Variants in CDH9 observed in about 807,000 individuals in gnomAD.
CDH9 encodes the protein cadherin 9, also known as cadherin-9.
A neutral mutation model predicts 70.9 loss-of-function variants in CDH9; 28 were observed. That is an observed-to-expected ratio of 0.40 (90% CI 0.29 to 0.54). The LOEUF is 0.54. Among genes scored for constraint, CDH9 ranks in the 20% least tolerant of loss-of-function variants. The pLI is 0.59. For missense variants in CDH9, 874 were observed against 984.4 expected, an observed-to-expected ratio of 0.89 and a Z score of 1.50; for synonymous variants, 409 against 343.1, an observed-to-expected ratio of 1.19 and a Z score of -2.12.
chr5:26,923,989 C>T (rs1741292733), intron 2 of CDH9, among the ~76,000 whole-genome samples: 1 of 151,530 alleles, frequency 6.6e-6, no homozygotes, highest in Admixed American at 6.6e-5. Context: ...TCATAAGACA[C>T]TGAAAAAGCA....
At chr5:26,917,840 T>A (rs918014054) in intron 2 of CDH9, among the ~76,000 whole-genome samples, 4 of 152,106 alleles carry the variant, frequency 2.6e-5, no homozygotes, top group African/African-American at 9.7e-5. Context: ...AAATGTAGTC[T>A]TATTACAATC....
chr5:26,909,508 T>G (rs1441648507), intron 3 of CDH9, among the ~76,000 whole-genome samples: 1 of 151,010 alleles, frequency 6.6e-6, no homozygotes, highest in Admixed American at 6.6e-5. Flanking sequence ...ATCAAAGAGG[T>G]AAACACGATT....
chr5:27,001,209 T>C (rs1742761433), intron 1 of CDH9, among the ~76,000 whole-genome samples: 1 of 152,150 alleles, frequency 6.6e-6, no homozygotes, highest in Non-Finnish European at 1.5e-5. Flanking sequence ...GTATTATAAA[T>C]GTATGAAACA....
At chr5:26,944,565 A>T (rs1250231689) in intron 2 of CDH9, among the ~76,000 whole-genome samples, 1 of 152,132 alleles carries the variant, frequency 6.6e-6, no homozygotes, top group Non-Finnish European at 1.5e-5. Flanking sequence ...AGACAGGAGG[A>T]TTGCTTGAGC....
intron 7 of CDH9, among the ~76,000 whole-genome samples, chr5:26,897,327 G>A (rs1740770496): frequency 6.6e-6 from 1 of 152,060 alleles, no homozygotes; most frequent in Admixed American, 6.6e-5. Context: ...TATGAGGCCA[G>A]CATCTTTCTG....
intron 1 of CDH9, among the ~76,000 whole-genome samples, chr5:27,003,491 C>T (rs1742806358): frequency 6.6e-6 from 1 of 152,018 alleles, no homozygotes; most frequent in East Asian, 1.9e-4. Context: ...ACCTCAAGTC[C>T]AATATCACAA....
intron 2 of CDH9, among the ~76,000 whole-genome samples, chr5:26,968,014 C>G (rs1742157181): frequency 6.6e-6 from 1 of 152,042 alleles, no homozygotes. Flanking sequence ...TATGTACCTA[C>G]TTTTCAAATA....
At chr5:26,928,739 G>A (rs945957921) in intron 2 of CDH9, among the ~76,000 whole-genome samples, 9 of 151,802 alleles carry the variant, frequency 5.9e-5, no homozygotes, top group African/African-American at 1.9e-4. Flanking sequence ...TATATGCTGA[G>A]GAAAGGACAG....
intron 1 of CDH9, among the ~76,000 whole-genome samples, chr5:26,992,544 T>C (rs1393991888): frequency 6.6e-6 from 1 of 152,116 alleles, no homozygotes; most frequent in East Asian, 1.9e-4. Flanking sequence ...TTTCTGCTGT[T>C]TATAAGCCAC....
rs116506776 is a variant in CDH9 at position 26,902,788 on chromosome 5, C to T, written c.1000-59G>A. The T allele has an allele frequency of 2.1e-3, 2,179 of 1,028,256 alleles. 27 individuals carry two copies. In the African/African-American group the frequency reaches 0.029, roughly 14 times the overall value. The allele number at this position is 1,028,256 out of a possible 1,614,324, so 63.7% of individuals were successfully genotyped here. On this transcript the variant is annotated intron_variant, in intron 6 of 11. Transcript: ENST00000231021. ...ATTCAGAAGATATGACAATGAAAGA[C>T]GATTTCAAATTTTAATAGCCAGCGA...
Position 26,998,487 on chromosome 5 carries a change from A to C in CDH9, c.-49-10105T>G, listed in dbSNP as rs561758539. 2.0e-5 allele frequency among the ~76,000 whole-genome samples: 3 copies of C among 152,262 alleles called. No individual in the cohort carries two copies. The South Asian group carries it at 6.2e-4, about 32-fold the overall frequency. Reference sequence around the variant, plus strand: ...GCAAACTATCACAAGGACAAAAAAAAACAAACACCACATGTTCTCACTCAT... The same window carrying C: ...GCAAACTATCACAAGGACAAAAAAACACAAACACCACATGTTCTCACTCAT... On this transcript the variant is annotated intron_variant, in intron 1 of 11. Transcript: ENST00000231021.
intron 2 of CDH9, among the ~76,000 whole-genome samples, chr5:26,955,515 A>G (rs1741931094): frequency 6.6e-6 from 1 of 151,836 alleles, no homozygotes; most frequent in African/African-American, 2.4e-5. Flanking sequence ...TAAAACCAGC[A>G]AGGGCAGGTC....
intron 2 of CDH9, among the ~76,000 whole-genome samples, chr5:26,942,002 T>C (rs1038835896): frequency 6.6e-6 from 1 of 152,094 alleles, no homozygotes; most frequent in Non-Finnish European, 1.5e-5. Context: ...AAGCCACCAG[T>C]TCCCCTCCTG....
chr5:26,888,515 A>T (rs961284160), intron 9 of CDH9, among the ~76,000 whole-genome samples: 11 of 152,192 alleles, frequency 7.2e-5, no homozygotes, highest in African/African-American at 2.7e-4. Flanking sequence ...CTAAACTGAG[A>T]TGCCCATTAT....
intron 1 of CDH9, among the ~76,000 whole-genome samples, chr5:26,997,865 A>T (rs1742693633): frequency 6.6e-6 from 1 of 152,028 alleles, no homozygotes; most frequent in Non-Finnish European, 1.5e-5. Flanking sequence ...ATACCCAGCT[A>T]ATTTTTGTAT....
At chr5:26,949,015 T>G (rs1192955785) in intron 2 of CDH9, among the ~76,000 whole-genome samples, 2 of 152,220 alleles carry the variant, frequency 1.3e-5, no homozygotes, top group Admixed American at 6.5e-5. Flanking sequence ...TTAAATACAT[T>G]CTTTTGAAAT....
intron 2 of CDH9, among the ~76,000 whole-genome samples, chr5:26,986,451 A>C (rs988610379): frequency 6.6e-6 from 1 of 152,168 alleles, no homozygotes; most frequent in Admixed American, 6.6e-5. Flanking sequence ...ATTTTAAACT[A>C]TAATGTATAT....
At chr5:26,905,187 T>C (rs548489943) in intron 5 of CDH9, among the ~76,000 whole-genome samples, 7 of 152,248 alleles carry the variant, frequency 4.6e-5, no homozygotes, top group Non-Finnish European at 8.8e-5. Context: ...GGGGTCCTTA[T>C]ATATTTATTC....
At chr5:27,024,588 T>A (rs530429970) in intron 1 of CDH9, among the ~76,000 whole-genome samples, 3 of 152,258 alleles carry the variant, frequency 2.0e-5, no homozygotes, top group African/African-American at 7.2e-5. Context: ...TTTGAGTATA[T>A]ATTTGAGTGA....
Sources: gnomAD v4.1 joint callset for allele counts (sites outside exome capture counted in the v4.1 genomes callset) on GRCh38, gnomAD v4.1.1 for gene constraint, MANE v1.5 for transcripts, NCBI Gene and HGNC (gene_info 2026-07-23, HGNC 2026-07-21) for gene names.